The following SLC26A9 variants were observed in gnomAD, a reference collection of about 807,000 sequenced individuals.
The protein encoded by SLC26A9 is solute carrier family 26 member 9.
A neutral mutation model predicts 87.1 loss-of-function variants in SLC26A9; 46 were observed. The observed-to-expected ratio is 0.53, with a 90% CI of 0.42 to 0.67. The LOEUF is 0.67. Ranked by LOEUF, SLC26A9 falls within the 30% of genes least tolerant of loss-of-function variation. The pLI, the probability that SLC26A9 is intolerant of heterozygous loss-of-function variation, is 0.00. For synonymous variants in SLC26A9, 437 were observed against 409.1 expected, an observed-to-expected ratio of 1.07 and a Z score of -0.82; for missense variants, 927 against 1,018.3, an observed-to-expected ratio of 0.91 and a Z score of 1.22.
At chr1:205,935,631 C>A (rs1178443360) in intron 2 of SLC26A9, 65 bp downstream of exon 2, 42 of 1,603,680 alleles carry the variant, frequency 2.6e-5, no homozygotes, top group Non-Finnish European at 3.5e-5. Flanking sequence ...GAAGCCGTGT[C>A]CTGGTGCAGA....
intron 18 of SLC26A9, among the ~76,000 whole-genome samples, chr1:205,919,278 G>A (rs1355458549): frequency 2.6e-5 from 4 of 152,192 alleles, no homozygotes; most frequent in Non-Finnish European, 4.4e-5. Context: ...TGAAGAGGCC[G>A]CTGCCAGTTC....
At chr1:205,937,554 A>C (rs532114871) in intron 1 of SLC26A9, among the ~76,000 whole-genome samples, 24 of 152,316 alleles carry the variant, frequency 1.6e-4, no homozygotes, top group African/African-American at 5.8e-4. Context: ...ATTCAGTGAG[A>C]TCATGTGTAT....
intron 2 of SLC26A9, among the ~76,000 whole-genome samples, chr1:205,934,799 G>A (rs1270932108): frequency 6.6e-6 from 1 of 152,210 alleles, no homozygotes; most frequent in Admixed American, 6.5e-5. Context: ...GAGCACAGCT[G>A]TGAGGACAGA....
Position 205,931,465 on chromosome 1 carries a change from G to GTTTTCTTTTTTTT in SLC26A9, c.552+394_552+395insAAAAAAAAGAAAA. Among the ~76,000 whole-genome samples, 2 of 96,012 alleles carry GTTTTCTTTTTTTT rather than the reference G, an allele frequency of 2.1e-5. 1 individual carries two copies. The highest frequency in any genetic ancestry group is 4.0e-5 in the Non-Finnish European group (2 of 50,202). 63.0% of individuals were successfully genotyped at this position (96,012 alleles called of 152,430 possible). A position where few individuals can be genotyped will look rare whatever the true frequency, so the allele number is the denominator to read the frequency against. On this transcript the variant is annotated intron_variant, in intron 5 of 20. Transcript: ENST00000367135. ...GAGGGAGGAGGTGAGCCCTAACTTG[G>GTTTTCTTTTTTTT]TTTTTTTTTTTTTTTTTTTGAGACG...
intron 12 of SLC26A9, among the ~76,000 whole-genome samples, chr1:205,925,190 C>A (rs1325702664): frequency 6.6e-6 from 1 of 152,192 alleles, no homozygotes; most frequent in Non-Finnish European, 1.5e-5. Flanking sequence ...ACGGTCCTAG[C>A]CTAGTGATGG....
intron 18 of SLC26A9, 96 bp from the exon 19 acceptor site, chr1:205,919,081 A>G: frequency 6.7e-7 from 1 of 1,486,502 alleles, no homozygotes; most frequent in Non-Finnish European, 9.2e-7. Flanking sequence ...GGGATGGGAG[A>G]GGCCTGAGGT....
Position 205,917,280 on chromosome 1 carries a change from C to T in SLC26A9, c.2328+3G>A. On this transcript the variant is annotated splice_donor_region_variant and intron_variant, in intron 20 of 20. Transcript: ENST00000367135. ...ACCCTCACAGCCCCTTCCCTCAGCTCACCTGCTCTAAGTCCCAGTAGCTGC... is the reference window on the plus strand; with the variant it reads ...ACCCTCACAGCCCCTTCCCTCAGCTTACCTGCTCTAAGTCCCAGTAGCTGC... 4 of 1,613,962 alleles carry T rather than the reference C, an allele frequency of 2.5e-6. No individual in the cohort carries two copies. Among genetic ancestry groups the T allele is most frequent in the Non-Finnish European group, 3.4e-6 (4 of 1,179,966 alleles).
chr1:205,917,498 ACCTGCCTC>A, intron 19 of SLC26A9, 144 bp from the exon 20 acceptor site: 1 of 756,452 alleles, frequency 1.3e-6, no homozygotes, highest in Admixed American at 2.0e-5. Flanking sequence ...CCCTTCCCTT[ACCTGCCTC>A]ACAAAAACAG....
intron 1 of SLC26A9, among the ~76,000 whole-genome samples, chr1:205,940,436 A>G (rs1028864783): frequency 2.9e-5 from 3 of 102,746 alleles, no homozygotes; most frequent in Non-Finnish European, 6.2e-5. Flanking sequence ...GGGCTCAGGC[A>G]GAGACAGTGC....
chr1:205,917,965 C>T (rs1199410199), intron 19 of SLC26A9, among the ~76,000 whole-genome samples: 1 of 152,206 alleles, frequency 6.6e-6, no homozygotes, highest in Non-Finnish European at 1.5e-5. Flanking sequence ...CGTTGTTTCC[C>T]CAGGGTTTCC....
intron 1 of SLC26A9, among the ~76,000 whole-genome samples, chr1:205,942,800 C>T (rs893351823): frequency 2.6e-5 from 4 of 152,220 alleles, no homozygotes; most frequent in Admixed American, 1.3e-4. Flanking sequence ...TTTCCTCCCC[C>T]TCCACCTCTT....
intron 13 of SLC26A9, 86 bp downstream of exon 13, chr1:205,924,297 C>G: frequency 1.5e-6 from 2 of 1,317,400 alleles, no homozygotes; most frequent in South Asian, 2.5e-5. Context: ...GTACAGTGGA[C>G]TAAGCCAGGC....
rs1056062217 is a variant in SLC26A9, at chr1:205,922,912, G to GA, written c.1773+169dup. Among the ~76,000 whole-genome samples, 7 of 151,582 alleles carry GA rather than the reference G, an allele frequency of 4.6e-5. No homozygotes were observed. In the East Asian group the frequency reaches 5.8e-4, roughly 13 times the overall value. On this transcript the variant is annotated intron_variant, in intron 16 of 20. Transcript: ENST00000367135. ...AAAATTCCATCTCTAAAAAGAAAAA[G>GA]AAAAAAAAGAAGAAAAATGCCCAGC...
At chr1:205,935,626 C>T (rs983016418) in intron 2 of SLC26A9, 70 bp downstream of exon 2, 26 of 1,598,270 alleles carry the variant, frequency 1.6e-5, no homozygotes, top group Admixed American at 5.1e-5. Flanking sequence ...GTGCAGAAGC[C>T]GTGTCCTGGT....
rs555622077 is a variant in SLC26A9 at position 205,923,347 on chromosome 1, C to G, written c.1647G>C (p.Lys549Asn). ...GACTGAGCCTTACCTTGGCGATGAC[C>G]TTTTGCCTGAAGATCTCTGAGTTGG... ...YFANSEIFRQ[K>N]VIAKTGMDPQ... Residue 549 changes from lysine (K) to asparagine (N), a missense_variant, in exon 15 of 21, where the codon AAG becomes AAC. Lys to Asn is a moderately conservative substitution (Grantham distance 94). Transcript: ENST00000367135. 5 of 1,614,172 alleles carry G rather than the reference C, an allele frequency of 3.1e-6. No individual in the cohort carries two copies. In the African/African-American group the frequency reaches 4.0e-5, roughly 13 times the overall value.
At chr1:205,921,531 G>C (rs750155183) in intron 17 of SLC26A9, 35 bp downstream of exon 17, 1 of 1,589,836 alleles carries the variant, frequency 6.3e-7, no homozygotes, top group South Asian at 1.1e-5. Flanking sequence ...GGAGGGGGTG[G>C]AGTGGGTGGT....
intron 20 of SLC26A9, among the ~76,000 whole-genome samples, chr1:205,915,822 G>A (rs937955687): frequency 3.3e-5 from 5 of 152,126 alleles, no homozygotes; most frequent in African/African-American, 7.2e-5. Context: ...AGAGGGCACC[G>A]AAATCAGTCT....
At position 205,923,425 on chromosome 1, in the gene SLC26A9, G is replaced by C. The variant is rs1658928296; in HGVS notation, c.1569C>G (p.Ala523=). The change falls in exon 15 of 21, where the codon GCC becomes GCG. Residue 523 remains alanine, a splice_region_variant and synonymous_variant. Coordinates refer to ENST00000367135, the MANE Select transcript of SLC26A9 (RefSeq NM_052934.4). Reference sequence around the variant, plus strand: ...TGATTTTAATCCCCTGGATATCCTGGGCCTGTGACAGGGAGACTGAGCTCA... The same window carrying C: ...TGATTTTAATCCCCTGGATATCCTGCGCCTGTGACAGGGAGACTGAGCTCA... ...IYVNPKTYNR[A]QDIQGIKIIT... The C allele has an allele frequency of 6.2e-6, 10 of 1,614,106 alleles. No individual in the cohort carries two copies. The highest frequency in any genetic ancestry group is 8.5e-6 in the Non-Finnish European group (10 of 1,180,028).
At position 205,923,377 on chromosome 1, in the gene SLC26A9, G is replaced by A. The variant is rs753253846; in HGVS notation, c.1617C>T (p.Tyr539=). 2.5e-6 allele frequency: 4 copies of A among 1,614,234 alleles called. No individual in the cohort carries two copies. Among genetic ancestry groups the A allele is most frequent in the Non-Finnish European group, 3.4e-6 (4 of 1,180,044 alleles). ...GCCTGAAGATCTCTGAGTTGGCAAA[G>A]TAGAGAGGGGAGCAGTACGTGATGA... ...IKIITYCSPL[Y]FANSEIFRQK... is the part of the protein sequence containing the mutation. The change falls in exon 15 of 21, where the codon TAC becomes TAT. Residue 539 remains tyrosine (Y), a synonymous_variant. Transcript: ENST00000367135.
Sources: allele counts gnomAD v4.1 joint callset (sites outside exome capture counted in the v4.1 genomes callset), GRCh38; gene constraint gnomAD v4.1.1; transcripts MANE v1.5; gene names NCBI Gene and HGNC (gene_info 2026-07-23, HGNC 2026-07-21).